The following DCAF8L2 variants were observed in gnomAD, a reference collection of about 807,000 sequenced individuals.
DCAF8L2 encodes the protein DDB1- and CUL4-associated factor 8-like protein 2.
For synonymous variants in DCAF8L2, 200 were observed against 190.9 expected, an observed-to-expected ratio of 1.05 and a Z score of -0.39; for missense variants, 430 against 490.7, an observed-to-expected ratio of 0.88 and a Z score of 1.17.
chrX:27,564,521 C>T, the DCAF8L2 span, among the ~76,000 whole-genome samples: 35 of 77,933 alleles, frequency 4.5e-4, no homozygotes, highest in African/African-American at 1.6e-3. Flanking sequence ...CTTACACACA[C>T]GTGCACGCAC....
intron 3 of DCAF8L2, among the ~76,000 whole-genome samples, chrX:27,680,256 T>C (rs1237575308): frequency 7.2e-5 from 8 of 110,909 alleles, no homozygotes; most frequent in Admixed American, 6.8e-4. Context: ...TATGGCAGGA[T>C]TGTGAAAGTT....
chrX:27,615,966 A>G lies in DCAF8L2; in HGVS notation c.-341-15913A>G, dbSNP rs1927455277. 2.7e-5 allele frequency among the ~76,000 whole-genome samples: 3 copies of G among 111,301 alleles called. 1 individual carries two copies. In the South Asian group the frequency reaches 1.1e-3, roughly 41 times the overall value. On this transcript the variant is annotated intron_variant, in intron 1 of 4. Coordinates refer to ENST00000451261, the MANE Select transcript of DCAF8L2 (RefSeq NM_001353450.2). The stretch of plus-strand genomic sequence containing the variant: ...ATAGAGAAGATAATAAGATAGATAG[A>G]TGGAAGATATATTAGATTTATGGAG...
the DCAF8L2 span, among the ~76,000 whole-genome samples, chrX:27,502,338 ATATATATATAT>A: frequency 8.7e-4 from 24 of 27,544 alleles, no homozygotes; most frequent in South Asian, 6.2e-3. Context: ...AAAAAAAAAT[ATATATATATAT>A]ATATATATAT....
At chrX:27,479,032 A>G in the DCAF8L2 span, among the ~76,000 whole-genome samples, 1 of 111,319 alleles carries the variant, frequency 9.0e-6, no homozygotes, top group Non-Finnish European at 1.9e-5. Flanking sequence ...TTTCAAGGTG[A>G]AGCTGTAAAA....
chrX:27,606,733 G>A (rs1926924853), intron 1 of DCAF8L2, among the ~76,000 whole-genome samples: 1 of 110,039 alleles, frequency 9.1e-6, no homozygotes, highest in Admixed American at 9.9e-5. Context: ...CTTAAATTTT[G>A]GTTAATTATT....
chrX:27,689,534 C>T (rs1003380255), intron 3 of DCAF8L2, among the ~76,000 whole-genome samples: 5 of 112,824 alleles, frequency 4.4e-5, no homozygotes, highest in African/African-American at 1.6e-4. Context: ...CGTGAGCCAC[C>T]GCACCCAGCC....
chrX:27,530,905 G>A, the DCAF8L2 span, among the ~76,000 whole-genome samples: 1 of 111,950 alleles, frequency 8.9e-6, no homozygotes, highest in Non-Finnish European at 1.9e-5. Flanking sequence ...TAGGATGAGA[G>A]GGAGAGTCTT....
chrX:27,541,783 C>T, the DCAF8L2 span, among the ~76,000 whole-genome samples: 14 of 111,139 alleles, frequency 1.3e-4, no homozygotes, highest in Admixed American at 2.9e-4. Flanking sequence ...CAAAGGGTCC[C>T]GTTACCCAAG....
intron 1 of DCAF8L2, among the ~76,000 whole-genome samples, chrX:27,601,480 G>A (rs1926639392): frequency 1.8e-5 from 2 of 111,548 alleles, no homozygotes; most frequent in South Asian, 7.4e-4. Flanking sequence ...CGGGTGGATT[G>A]CTTGGGGTTA....
At chrX:27,496,648 CCCCATCGT>C in the DCAF8L2 span, among the ~76,000 whole-genome samples, 1 of 111,506 alleles carries the variant, frequency 9.0e-6, no homozygotes, top group Admixed American at 9.6e-5. Context: ...TGAAAGACAC[CCCCATCGT>C]CCCACTTTTT....
intron 3 of DCAF8L2, among the ~76,000 whole-genome samples, chrX:27,691,464 C>A (rs1243879811): frequency 1.8e-5 from 2 of 111,189 alleles, no homozygotes; most frequent in Admixed American, 1.9e-4. Context: ...CACTGCTAGA[C>A]TATTGGTTAT....
chrX:27,476,542 A>G, the DCAF8L2 span, among the ~76,000 whole-genome samples: 8 of 111,111 alleles, frequency 7.2e-5, no homozygotes, highest in African/African-American at 2.6e-4. Context: ...AGATTGAGGT[A>G]CATACACAGA....
chrX:27,646,728 C>T (rs962895093), intron 2 of DCAF8L2, among the ~76,000 whole-genome samples: 3 of 110,162 alleles, frequency 2.7e-5, no homozygotes, highest in African/African-American at 6.6e-5. Context: ...AACCAACAAC[C>T]GCATTAAAAA....
chrX:27,488,517 CTGTGTGTGTG>C, the DCAF8L2 span, among the ~76,000 whole-genome samples: 7 of 80,501 alleles, frequency 8.7e-5, no homozygotes, highest in African/African-American at 1.0e-4. Flanking sequence ...AAAATTACCT[CTGTGTGTGTG>C]TGTGTGTGTG....
intron 3 of DCAF8L2, among the ~76,000 whole-genome samples, chrX:27,696,326 GAA>G (rs1569184595): frequency 1.8e-3 from 67 of 36,604 alleles, no homozygotes; most frequent in South Asian, 8.4e-3. Flanking sequence ...AAGAAAGAAA[GAA>G]AGAAAAAGAA....
intron 3 of DCAF8L2, among the ~76,000 whole-genome samples, chrX:27,704,682 T>C (rs2147273558): frequency 9.0e-6 from 1 of 111,092 alleles, no homozygotes; most frequent in South Asian, 3.8e-4. Context: ...AAAAAGTGAC[T>C]ATAGAAGATG....
At chrX:27,641,186 C>G (rs1021216595) in intron 2 of DCAF8L2, among the ~76,000 whole-genome samples, 2 of 111,535 alleles carry the variant, frequency 1.8e-5, no homozygotes, top group African/African-American at 6.5e-5. Context: ...TTTCTTCACT[C>G]CTTTGTGTAG....
At chrX:27,502,370 A>ATATATG in the DCAF8L2 span, among the ~76,000 whole-genome samples, 1 of 73,813 alleles carries the variant, frequency 1.4e-5, no homozygotes, top group Non-Finnish European at 2.5e-5. Flanking sequence ...ATATATATAT[A>ATATATG]TATATATTGG....
chrX:27,618,578 G>C (rs1231712950), intron 1 of DCAF8L2, among the ~76,000 whole-genome samples: 1 of 111,527 alleles, frequency 9.0e-6, no homozygotes, highest in Non-Finnish European at 1.9e-5. Context: ...ATTCATCTTG[G>C]AGTGCAGATG....
Sources: gnomAD v4.1 joint callset for allele counts (sites outside exome capture counted in the v4.1 genomes callset) on GRCh38, gnomAD v4.1.1 for gene constraint, MANE v1.5 for transcripts, NCBI Gene and HGNC (gene_info 2026-07-23, HGNC 2026-07-21) for gene names.